The following FBXL14 variants were observed in gnomAD, a reference collection of about 807,000 sequenced individuals.
FBXL14 encodes F-box and leucine rich repeat protein 14.
In FBXL14, 11 loss-of-function variants were observed where a neutral mutation model predicts 24.5. The ratio of observed to expected loss-of-function variants is 0.45; its 90% CI spans 0.28 to 0.74. FBXL14 has a LOEUF of 0.74. Among genes scored for constraint, FBXL14 ranks in the 30% least tolerant of loss-of-function variants. The pLI is 0.12. For missense variants in FBXL14, 384 were observed against 545.6 expected, an observed-to-expected ratio of 0.70 and a Z score of 2.95; for synonymous variants, 294 against 240.4, an observed-to-expected ratio of 1.22 and a Z score of -2.06.
chr12:1,586,074 A>G (rs774065604), intron 1 of FBXL14, among the ~76,000 whole-genome samples: 13 of 152,090 alleles, frequency 8.5e-5, no homozygotes, highest in Non-Finnish European at 1.5e-4. Flanking sequence ...ATTTAACAAC[A>G]TGTACTAGTT....
chr12:1,573,288 C>G (rs1349720665), intron 1 of FBXL14, among the ~76,000 whole-genome samples: 2 of 152,168 alleles, frequency 1.3e-5, no homozygotes, highest in Non-Finnish European at 2.9e-5. Context: ...GTCAGGGCCT[C>G]CTGATTTGGG....
chr12:1,588,693 T>C (rs2094481862), intron 1 of FBXL14, among the ~76,000 whole-genome samples: 2 of 152,214 alleles, frequency 1.3e-5, no homozygotes, highest in African/African-American at 4.8e-5. Context: ...TTGAGGTTTA[T>C]TACTTCTAGA....
chr12:1,590,232 T>C (rs2094486473), intron 1 of FBXL14, among the ~76,000 whole-genome samples: 1 of 152,176 alleles, frequency 6.6e-6, no homozygotes, highest in Admixed American at 6.5e-5. Flanking sequence ...ATGGATCTAG[T>C]GTCAGGCTCA....
intron 1 of FBXL14, among the ~76,000 whole-genome samples, chr12:1,577,445 T>C (rs1373921796): frequency 6.6e-6 from 1 of 151,768 alleles, no homozygotes; most frequent in African/African-American, 2.4e-5. Context: ...AAAAAGGACT[T>C]ATGTATTATT....
In FBXL14 at chr12:1,592,989, C is replaced by G; in HGVS notation, c.1078G>C (p.Gly360Arg). ...LIAEHLSQLTGIDLYGCTRIT... is the reference protein window; with the variant it reads ...LIAEHLSQLTRIDLYGCTRIT... ...CGGGTGCAGCCGTACAGGTCTATGCCGGTGAGTTGGCTCAGGTGCTCAGCG... is the reference window on the plus strand; with the variant it reads ...CGGGTGCAGCCGTACAGGTCTATGCGGGTGAGTTGGCTCAGGTGCTCAGCG... Residue 360 changes from glycine (G) to arginine (R), a missense_variant, in exon 1 of 2, where the codon GGC becomes CGC. By Grantham distance (125) the Gly-to-Arg change is moderately radical. Transcript: ENST00000339235. The G allele has an allele frequency of 6.2e-7, 1 of 1,612,976 alleles. No homozygotes were observed. Among genetic ancestry groups the G allele is most frequent in the South Asian group, 1.1e-5 (1 of 91,082 alleles).
intron 1 of FBXL14, among the ~76,000 whole-genome samples, chr12:1,584,784 T>A (rs1189425016): frequency 6.6e-6 from 1 of 152,232 alleles, no homozygotes; most frequent in East Asian, 1.9e-4. Context: ...ATCTTGTCAT[T>A]TTCGTGTTGT....
chr12:1,594,175 G>T lies in FBXL14; in HGVS notation c.-109C>A. 1.1e-6 allele frequency: 1 copy of T among 925,148 alleles called. No individual in the cohort carries two copies. The highest frequency in any genetic ancestry group is 1.4e-6 in the Non-Finnish European group (1 of 725,866). The allele number at this position is 925,148 out of a possible 1,614,324, so 57.3% of individuals were successfully genotyped here. On this transcript the variant is annotated 5_prime_UTR_variant, in exon 1 of 2. Transcript: ENST00000339235. ...CTCCCCAGCCGCCGCCGCCGCCGCC[G>T]CCGCCGCCTCGGGCCCAACGGCCGG... is the stretch of plus-strand genomic sequence containing the variant.
In FBXL14 at chr12:1,574,712, C is replaced by T. The variant is rs191064751; in HGVS notation, c.1195-7902G>A. 284 of 165,870 alleles carry T rather than the reference C, an allele frequency of 1.7e-3. 1 individual carries two copies. Among genetic ancestry groups the T allele is most frequent in the Non-Finnish European group, 2.3e-3 (175 of 76,764 alleles). The allele number at this position is 165,870 out of a possible 1,614,324, so 10.3% of individuals were successfully genotyped here. A position where few individuals can be genotyped will look rare whatever the true frequency, so the allele number is the denominator to read the frequency against. ...CTCAGGAAGCTTCGCAGTCCTGCCT[C>T]GTGCCTGCTTGAACAGCTGGATGTG... On this transcript the variant is annotated intron_variant, in intron 1 of 1. Transcript: ENST00000339235.
intron 1 of FBXL14, among the ~76,000 whole-genome samples, chr12:1,570,361 C>T (rs530306088): frequency 6.6e-6 from 1 of 152,340 alleles, no homozygotes; most frequent in East Asian, 1.9e-4. Context: ...CTGCCTGTCC[C>T]TGGTTGAGGG....
intron 1 of FBXL14, among the ~76,000 whole-genome samples, chr12:1,589,419 AGATCAAGACCTTGTCTC>A (rs369605583): frequency 1.5e-5 from 2 of 134,360 alleles, no homozygotes; most frequent in African/African-American, 5.5e-5. Context: ...AAAAAAAAAA[AGATCAAGACCTTGTCTC>A]AAAAAAAAAA....
In FBXL14 at chr12:1,567,531, A is replaced by G. The variant is rs2154437613; in HGVS notation, c.1195-721T>C. Among the ~76,000 whole-genome samples, 1 of 152,148 alleles carries G rather than the reference A, an allele frequency of 6.6e-6. No individual in the cohort carries two copies. The highest frequency in any genetic ancestry group is 2.1e-4 in the South Asian group (1 of 4,824). On this transcript the variant is annotated intron_variant, in intron 1 of 1. Coordinates refer to ENST00000339235, the MANE Select transcript of FBXL14 (RefSeq NM_152441.3). The surrounding 1 kb of genome is among the most constrained non-coding windows in gnomAD (Gnocchi z 4.8). ...AATAAAATGAAATAAGAATCAAATAACACATGTTGAAGGGACAGAGCAAGC... is the reference window on the plus strand; with the variant it reads ...AATAAAATGAAATAAGAATCAAATAGCACATGTTGAAGGGACAGAGCAAGC...
Position 1,566,330 on chromosome 12 carries a change from A to G in FBXL14, c.*418T>C, listed in dbSNP as rs890262150. On this transcript the variant is annotated 3_prime_UTR_variant, in exon 2 of 2. Transcript: ENST00000339235. ...GTTCTCAGTAATACATATCATCATT[A>G]TATATATCATCATCTTATATGTATA... is the stretch of plus-strand genomic sequence containing the variant. 3 of 153,444 alleles carry G rather than the reference A, an allele frequency of 2.0e-5. No individual in the cohort carries two copies. The highest frequency in any genetic ancestry group is 4.4e-5 in the Non-Finnish European group (3 of 68,946). 9.5% of individuals were successfully genotyped at this position (153,444 alleles called of 1,614,324 possible).
At chr12:1,578,573 A>G (rs1001375719) in intron 1 of FBXL14, among the ~76,000 whole-genome samples, 3 of 152,134 alleles carry the variant, frequency 2.0e-5, no homozygotes, top group South Asian at 2.1e-4. Context: ...CTGAAGGCAG[A>G]GGTTGCAGTG....
chr12:1,580,450 A>G (rs1423141665), intron 1 of FBXL14, among the ~76,000 whole-genome samples: 1 of 152,174 alleles, frequency 6.6e-6, no homozygotes, highest in Non-Finnish European at 1.5e-5. Flanking sequence ...GGGAAGACAG[A>G]GATGAAGCTC....
chr12:1,589,296 G>A (rs968225478), intron 1 of FBXL14, among the ~76,000 whole-genome samples: 2 of 150,842 alleles, frequency 1.3e-5, no homozygotes, highest in East Asian at 3.9e-4. Flanking sequence ...CTACTCAGGA[G>A]GCTAGGTGGG....
chr12:1,584,549 G>A (rs1309953707), intron 1 of FBXL14, among the ~76,000 whole-genome samples: 1 of 152,210 alleles, frequency 6.6e-6, no homozygotes, highest in Non-Finnish European at 1.5e-5. Context: ...CAGGGCATCT[G>A]TCTCAAGTGC....
At chr12:1,577,316 A>G (rs1284719534) in intron 1 of FBXL14, among the ~76,000 whole-genome samples, 1 of 152,110 alleles carries the variant, frequency 6.6e-6, no homozygotes, top group African/African-American at 2.4e-5. Flanking sequence ...TTGGGGCCAA[A>G]GGATGTAGCC....
intron 1 of FBXL14, among the ~76,000 whole-genome samples, chr12:1,582,509 A>G (rs1007223302): frequency 5.3e-5 from 8 of 151,956 alleles, no homozygotes; most frequent in African/African-American, 1.9e-4. Context: ...CCTTCCCTGA[A>G]TCTGTATTCT....
In FBXL14 at chr12:1,569,545, C is replaced by T. The variant is rs371826946; in HGVS notation, c.1195-2735G>A. 1.2e-4 allele frequency among the ~76,000 whole-genome samples: 19 copies of T among 152,212 alleles called. No individual in the cohort carries two copies. The highest frequency in any genetic ancestry group is 8.3e-4 in the South Asian group (4 of 4,820). ...CCTCCTGAGTAGCTGGGATTACAGG[C>T]GCCCGCCACCACGCCCGGCTAATTT... On this transcript the variant is annotated intron_variant, in intron 1 of 1. Transcript: ENST00000339235. This position sits in a 1 kb window ranked among gnomAD's most constrained non-coding sequence, Gnocchi z 4.2.
Sources: allele counts gnomAD v4.1 joint callset (sites outside exome capture counted in the v4.1 genomes callset), GRCh38; gene constraint gnomAD v4.1.1; non-coding constraint Gnocchi (gnomAD v3.1); transcripts MANE v1.5; gene names NCBI Gene and HGNC (gene_info 2026-07-23, HGNC 2026-07-21).